ZFX: variants seen among roughly 807,000 people sequenced by gnomAD.
ZFX encodes zinc finger X-chromosomal protein.
For synonymous variants in ZFX, 196 were observed against 226.8 expected, an observed-to-expected ratio of 0.86 and a Z score of 1.22; for missense variants, 362 against 628.3, an observed-to-expected ratio of 0.58 and a Z score of 4.53.
rs1235358381 is a variant in ZFX at position 24,214,789 on chromosome X, C to CACTT, written c.*3415_*3418dup. 3 of 111,872 alleles carry CACTT rather than the reference C, an allele frequency of 2.7e-5. No individual in the cohort carries two copies. Among genetic ancestry groups the CACTT allele is most frequent in the African/African-American group, 9.7e-5 (3 of 30,777 alleles). The allele number at this position is 111,872 out of a possible 1,213,427, so 9.2% of individuals were successfully genotyped here. Reference sequence around the variant, plus strand: ...TCATGCATAAAGTGGTTTTTGAGAGCACTTAAAGTTCATTTCAGTATTAAT... The same window carrying CACTT: ...TCATGCATAAAGTGGTTTTTGAGAGCACTTACTTAAAGTTCATTTCAGTATTAAT... On this transcript the variant is annotated 3_prime_UTR_variant, in exon 10 of 10. Coordinates refer to ENST00000304543, the MANE Select transcript of ZFX (RefSeq NM_003410.4).
chrX:24,160,754 T>A (rs1255097673), intron 3 of ZFX, among the ~76,000 whole-genome samples: 1 of 111,906 alleles, frequency 8.9e-6, no homozygotes, highest in Non-Finnish European at 1.9e-5. Flanking sequence ...TGAAAATACA[T>A]AATGAATTAT....
chrX:24,207,843 G>T lies in ZFX; in HGVS notation c.928G>T (p.Asp310Tyr). The change falls in exon 7 of 10, where the codon GAT becomes TAT. Residue 310 changes from aspartate to tyrosine, a missense_variant. By Grantham distance (160) the Asp-to-Tyr change is radical. Transcript: ENST00000304543. ...GACTGTCAATGACTCTCAGCCAGAA[G>T]ATGAAGATTTAAGTAAGTAGGTGGC... is the stretch of plus-strand genomic sequence containing the variant. ...YMTVNDSQPEDEDLNVAEIAD... is the reference protein window; with the variant it reads ...YMTVNDSQPEYEDLNVAEIAD... 1 of 1,209,357 alleles carries T rather than the reference G, an allele frequency of 8.3e-7. No individual in the cohort carries two copies. The highest frequency in any genetic ancestry group is 2.2e-5 in the Admixed American group (1 of 45,501).
At chrX:24,193,728 G>A (rs1054326423) in intron 5 of ZFX, among the ~76,000 whole-genome samples, 2 of 111,816 alleles carry the variant, frequency 1.8e-5, no homozygotes, top group Admixed American at 1.9e-4. Context: ...CATGAGGGAT[G>A]TTTAAAAAAG....
chrX:24,209,102 A>T lies in ZFX; in HGVS notation c.1234+62A>T, dbSNP rs759081752. 5.0e-6 allele frequency: 6 copies of T among 1,206,740 alleles called. No homozygotes were observed. The African/African-American group carries it at 5.2e-5, about 11-fold the overall frequency. On this transcript the variant is annotated intron_variant, in intron 9 of 9. Transcript: ENST00000304543. Reference sequence around the variant, plus strand: ...GCGAGCTCTCAGAGGAAACTCTAGTATGTATCCACAGGGGTGTCACAATGG... The same window carrying T: ...GCGAGCTCTCAGAGGAAACTCTAGTTTGTATCCACAGGGGTGTCACAATGG...
chrX:24,177,562 C>T (rs751107644), intron 4 of ZFX: 15 of 298,842 alleles, frequency 5.0e-5, no homozygotes, highest in East Asian at 2.3e-4. Flanking sequence ...ACCACTCCAG[C>T]GCAGCTGCAC....
intron 5 of ZFX, among the ~76,000 whole-genome samples, chrX:24,198,498 T>G (rs1358058447): frequency 9.1e-6 from 1 of 110,302 alleles, no homozygotes; most frequent in Non-Finnish European, 1.9e-5. Flanking sequence ...TTTTTTTTTT[T>G]TTTAGAGGGT....
chrX:24,212,840 G>C lies in ZFX; in HGVS notation c.*1464G>C, dbSNP rs1425467292. On this transcript the variant is annotated 3_prime_UTR_variant, in exon 10 of 10. Coordinates refer to ENST00000304543, the MANE Select transcript of ZFX (RefSeq NM_003410.4). ...TTTAAGTGGATAAGGAAAGTCTGAGGCCTTATTTGGAACATCACTAAGTCT... is the reference window on the plus strand; with the variant it reads ...TTTAAGTGGATAAGGAAAGTCTGAGCCCTTATTTGGAACATCACTAAGTCT... The C allele has an allele frequency of 8.9e-6, 1 of 112,271 alleles. No homozygotes were observed. The highest frequency in any genetic ancestry group is 3.2e-5 in the African/African-American group (1 of 30,877). 9.3% of individuals were successfully genotyped at this position (112,271 alleles called of 1,213,427 possible). A position where few individuals can be genotyped will look rare whatever the true frequency, so the allele number is the denominator to read the frequency against.
intron 4 of ZFX, among the ~76,000 whole-genome samples, chrX:24,173,403 T>TC (rs1491008367): frequency 4.1e-4 from 45 of 110,872 alleles, no homozygotes; most frequent in East Asian, 2.3e-3. Flanking sequence ...ACTCTCTCTC[T>TC]TGCAAGTTCC....
chrX:24,176,591 C>T (rs1426470941), intron 4 of ZFX, among the ~76,000 whole-genome samples: 1 of 108,527 alleles, frequency 9.2e-6, no homozygotes, highest in Non-Finnish European at 1.9e-5. Context: ...ACCACTACGC[C>T]TGGTTAATTT....
chrX:24,153,251 G>A (rs1932410092), intron 3 of ZFX, among the ~76,000 whole-genome samples: 1 of 111,914 alleles, frequency 8.9e-6, no homozygotes, highest in East Asian at 2.8e-4. Context: ...AGATTACCCA[G>A]TCTTTCACTT....
At chrX:24,153,518 T>A (rs936078518) in intron 3 of ZFX, among the ~76,000 whole-genome samples, 1 of 111,478 alleles carries the variant, frequency 9.0e-6, no homozygotes, top group African/African-American at 3.3e-5. Flanking sequence ...GGTTTGCTCA[T>A]CTTACAAAAG....
At chrX:24,194,047 A>G (rs1033950141) in intron 5 of ZFX, among the ~76,000 whole-genome samples, 2 of 111,339 alleles carry the variant, frequency 1.8e-5, no homozygotes, top group African/African-American at 6.5e-5. Context: ...GCTACCTCTT[A>G]TAAGTGGGAT....
intron 6 of ZFX, 84 bp downstream of exon 6, chrX:24,207,559 T>C: frequency 1.2e-5 from 14 of 1,139,567 alleles, no homozygotes; most frequent in Non-Finnish European, 1.6e-5. Context: ...TTGAGAACAT[T>C]TGGAGTCTCT....
chrX:24,191,335 A>G (rs1011119883), intron 5 of ZFX, among the ~76,000 whole-genome samples: 1 of 111,449 alleles, frequency 9.0e-6, no homozygotes, highest in Non-Finnish European at 1.9e-5. Flanking sequence ...ATTAAAGGAG[A>G]TCAGATCGTA....
intron 5 of ZFX, among the ~76,000 whole-genome samples, chrX:24,190,484 G>A (rs975729602): frequency 1.8e-5 from 2 of 111,853 alleles, no homozygotes; most frequent in Non-Finnish European, 1.9e-5. Context: ...CTCAAATAAG[G>A]CAAAGATGTT....
At chrX:24,150,457 G>A (rs1723322321) in intron 1 of ZFX, 2 of 112,727 alleles carry the variant, frequency 1.8e-5, no homozygotes, top group Non-Finnish European at 3.8e-5. Flanking sequence ...GAGCGCTCGG[G>A]CTCCAGGCGC....
chrX:24,171,894 CAGAGAGAGAAGG>C (rs1934635445), intron 3 of ZFX, among the ~76,000 whole-genome samples: 1 of 72,510 alleles, frequency 1.4e-5, no homozygotes, highest in South Asian at 1.2e-3. Context: ...GCCACCAGGA[CAGAGAGAGAAGG>C]AGAGAGAGAG....
chrX:24,176,883 A>G (rs764454349), intron 4 of ZFX, among the ~76,000 whole-genome samples: 5 of 112,087 alleles, frequency 4.5e-5, no homozygotes, highest in Non-Finnish European at 9.4e-5. Context: ...GGTAAGACTT[A>G]TAAAACTTTC....
chrX:24,192,755 AAAG>A (rs1936623561), intron 5 of ZFX, among the ~76,000 whole-genome samples: 1 of 110,396 alleles, frequency 9.1e-6, no homozygotes, highest in Admixed American at 9.7e-5. Context: ...ACAATTAAAA[AAAG>A]AAAATAGCTA....
Sources: gnomAD v4.1 joint callset for allele counts (sites outside exome capture counted in the v4.1 genomes callset) on GRCh38, gnomAD v4.1.1 for gene constraint, MANE v1.5 for transcripts, NCBI Gene and HGNC (gene_info 2026-07-23, HGNC 2026-07-21) for gene names.